TTC7B: variants seen among roughly 807,000 people sequenced by gnomAD.
The protein encoded by TTC7B is tetratricopeptide repeat protein 7B.
In TTC7B, 28 loss-of-function variants were observed where a neutral mutation model predicts 106.8. That is an observed-to-expected ratio of 0.26 (90% confidence interval 0.19 to 0.36). The LOEUF (loss-of-function observed/expected upper bound fraction) is 0.36, where lower values mean the gene tolerates loss of function less well. TTC7B is among the 10% of genes least tolerant of loss of function. The pLI is 1.00. For synonymous variants in TTC7B, 405 were observed against 430.6 expected (o/e 0.94, Z 0.74); for missense variants, 862 against 1,076.4 (o/e 0.80, Z 2.79).
intron 5 of TTC7B, among the ~76,000 whole-genome samples, chr14:90,708,477 T>C (rs1169093221): frequency 6.6e-6 from 1 of 152,204 alleles, no homozygotes; most frequent in Non-Finnish European, 1.5e-5. Flanking sequence ...TATGCTAAAT[T>C]GACTCTGCCT....
At chr14:90,688,822 T>A (rs1194734893) in intron 7 of TTC7B, among the ~76,000 whole-genome samples, 3 of 151,572 alleles carry the variant, frequency 2.0e-5, no homozygotes, top group Admixed American at 6.6e-5. Context: ...ATAAAAAAAA[T>A]TTAAAAATTT....
intron 18 of TTC7B, among the ~76,000 whole-genome samples, chr14:90,586,634 A>T (rs2139814558): frequency 6.6e-6 from 1 of 152,174 alleles, no homozygotes; most frequent in South Asian, 2.1e-4. Flanking sequence ...CTCCACCTAC[A>T]TTCTCTTCTT....
At chr14:90,672,022 G>A (rs1275376557) in intron 9 of TTC7B, among the ~76,000 whole-genome samples, 1 of 152,246 alleles carries the variant, frequency 6.6e-6, no homozygotes, top group Admixed American at 6.5e-5. Flanking sequence ...GGACAGGAGA[G>A]AGAGGAACAT....
intron 16 of TTC7B, 115 bp downstream of exon 16, chr14:90,617,814 C>G: frequency 1.3e-6 from 1 of 763,752 alleles, no homozygotes; most frequent in Non-Finnish European, 2.3e-6. Context: ...TTGTGGGGGC[C>G]TGGAGGTGCA....
chr14:90,653,026 G>T, intron 12 of TTC7B, 128 bp from the exon 13 acceptor site: 1 of 931,760 alleles, frequency 1.1e-6, no homozygotes, highest in South Asian at 1.4e-5. Flanking sequence ...TACGTGCCCA[G>T]TCCTGCACCA....
intron 17 of TTC7B, among the ~76,000 whole-genome samples, chr14:90,605,361 C>T (rs940673308): frequency 2.6e-5 from 4 of 152,174 alleles, no homozygotes; most frequent in South Asian, 2.1e-4. Context: ...AACTTCTATC[C>T]GTTCTGCCCA....
At position 90,527,191 on chromosome 14, in the gene TTC7B, G is replaced by A. The variant is rs901095366; in HGVS notation, c.*14177C>T. On this transcript the variant is annotated 3_prime_UTR_variant, in exon 20 of 20. Coordinates refer to ENST00000328459, the MANE Select transcript of TTC7B (RefSeq NM_001010854.2). Reference sequence around the variant, plus strand: ...ATCTGGGGGTACCTGGTATTCACACGACTCATCACTGGGAATGCTGACCTT... The same window carrying A: ...ATCTGGGGGTACCTGGTATTCACACAACTCATCACTGGGAATGCTGACCTT... 14 of 151,890 alleles carry A rather than the reference G, an allele frequency of 9.2e-5. No individual in the cohort carries two copies. Among genetic ancestry groups the A allele is most frequent in the African/African-American group, 2.9e-4 (12 of 41,328 alleles). 9.4% of individuals were successfully genotyped at this position (151,890 alleles called of 1,614,324 possible). A position where few individuals can be genotyped will look rare whatever the true frequency, so the allele number is the denominator to read the frequency against.
Position 90,657,028 on chromosome 14 carries a change from G to A in TTC7B, c.1341+146C>T. 1.5e-6 allele frequency: 1 copy of A among 682,644 alleles called. No homozygotes were observed. Among genetic ancestry groups the A allele is most frequent in the African/African-American group, 1.8e-5 (1 of 55,410 alleles). The allele number at this position is 682,644 out of a possible 1,614,324, so 42.3% of individuals were successfully genotyped here. ...AGGCCTGAGGAGGCCAGGGGCCCAGGCCCAGGGTCCGTGGCTCTACACAGT... is the reference window on the plus strand; with the variant it reads ...AGGCCTGAGGAGGCCAGGGGCCCAGACCCAGGGTCCGTGGCTCTACACAGT... On this transcript the variant is annotated intron_variant, in intron 11 of 19. Coordinates refer to ENST00000328459, the MANE Select transcript of TTC7B (RefSeq NM_001010854.2). This position sits in a 1 kb window ranked among gnomAD's most constrained non-coding sequence, Gnocchi z 4.2.
chr14:90,721,013 G>A (rs1372149468), intron 5 of TTC7B, among the ~76,000 whole-genome samples: 1 of 151,914 alleles, frequency 6.6e-6, no homozygotes, highest in Non-Finnish European at 1.5e-5. Flanking sequence ...CAAGACAAAT[G>A]CTAACCAGTT....
chr14:90,541,966 G>A (rs1417842106), intron 19 of TTC7B, among the ~76,000 whole-genome samples: 1 of 152,238 alleles, frequency 6.6e-6, no homozygotes, highest in East Asian at 1.9e-4. Context: ...TTGAGATGGA[G>A]TCTCGCTCTG....
intron 19 of TTC7B, among the ~76,000 whole-genome samples, chr14:90,550,495 C>G (rs2139771493): frequency 6.6e-6 from 1 of 152,344 alleles, no homozygotes; most frequent in East Asian, 1.9e-4. Context: ...GTTCCACCCT[C>G]CCCTCTCTCA....
At chr14:90,782,217 T>C (rs1419552106) in intron 2 of TTC7B, among the ~76,000 whole-genome samples, 1 of 151,732 alleles carries the variant, frequency 6.6e-6, no homozygotes, top group Non-Finnish European at 1.5e-5. Context: ...GGAGCAAAAG[T>C]GTTTATGGGT....
At chr14:90,613,890 T>G (rs1458024012) in intron 16 of TTC7B, among the ~76,000 whole-genome samples, 1 of 152,238 alleles carries the variant, frequency 6.6e-6, no homozygotes, top group Non-Finnish European at 1.5e-5. Flanking sequence ...TATTCCCTAT[T>G]ATCACTGAAT....
intron 15 of TTC7B, among the ~76,000 whole-genome samples, chr14:90,639,727 T>A (rs948968807): frequency 6.6e-6 from 1 of 152,202 alleles, no homozygotes; most frequent in Admixed American, 6.5e-5. Context: ...AAAGAAGATT[T>A]ACAAGCACTG....
rs143220133 is a variant in TTC7B, at chr14:90,736,567, G to A, written c.577-6371C>T. Among the ~76,000 whole-genome samples the A allele has an allele frequency of 4.0e-3, 608 of 151,134 alleles. 6 individuals carry two copies. Among genetic ancestry groups the A allele is most frequent in the African/African-American group, 0.014 (574 of 41,192 alleles). On this transcript the variant is annotated intron_variant, in intron 4 of 19. Transcript: ENST00000328459. ...AGCCCTGGCAACAGAGTGAGACTCC[G>A]TCTCAGAAAAAAAAGGGGGGGTGGG... is the stretch of plus-strand genomic sequence containing the variant.
At chr14:90,760,437 C>CT (rs371917043) in intron 3 of TTC7B, among the ~76,000 whole-genome samples, 9 of 152,264 alleles carry the variant, frequency 5.9e-5, no homozygotes, top group Admixed American at 2.0e-4. Flanking sequence ...GAGGATGACT[C>CT]TTTTTTCGAG....
chr14:90,791,367 G>GCTCAT (rs1334582024), intron 1 of TTC7B, among the ~76,000 whole-genome samples: 1 of 152,148 alleles, frequency 6.6e-6, no homozygotes, highest in African/African-American at 2.4e-5. Flanking sequence ...CAGAGTCCAT[G>GCTCAT]CTCAATAAAT....
At chr14:90,739,008 G>A (rs1477047084) in intron 4 of TTC7B, among the ~76,000 whole-genome samples, 3 of 152,222 alleles carry the variant, frequency 2.0e-5, no homozygotes, top group African/African-American at 7.2e-5. Context: ...CTGGGCGACA[G>A]AGCAAAACCC....
intron 19 of TTC7B, among the ~76,000 whole-genome samples, chr14:90,555,349 T>C (rs999012610): frequency 1.3e-5 from 2 of 152,188 alleles, no homozygotes; most frequent in Non-Finnish European, 2.9e-5. Context: ...GGCTGCCAGA[T>C]TCCGGGTGAG....
Sources: gnomAD v4.1 joint callset for allele counts (sites outside exome capture counted in the v4.1 genomes callset) on GRCh38, gnomAD v4.1.1 for gene constraint, Gnocchi (gnomAD v3.1) non-coding constraint, MANE v1.5 for transcripts, NCBI Gene and HGNC (gene_info 2026-07-23, HGNC 2026-07-21) for gene names.